The following FYTTD1 variants were observed in gnomAD, a reference collection of about 807,000 sequenced individuals.
FYTTD1 encodes the protein UAP56-interacting factor.
In FYTTD1, 22 loss-of-function variants were observed where a neutral mutation model predicts 40.9. The observed-to-expected ratio is 0.54, with a 90% CI of 0.38 to 0.77. The LOEUF (loss-of-function observed/expected upper bound fraction) is 0.77. Ranked by LOEUF, FYTTD1 falls within the 30% of genes least tolerant of loss-of-function variation. The pLI, the probability that FYTTD1 is intolerant of heterozygous loss-of-function variation, is 0.00. For missense variants in FYTTD1, 351 were observed against 392.2 expected, an observed-to-expected ratio of 0.90 and a Z score of 0.89; for synonymous variants, 140 against 137.9, an observed-to-expected ratio of 1.01 and a Z score of -0.10.
upstream of FYTTD1, chr3:197,749,816 G>C: frequency 2.1e-6 from 1 of 481,272 alleles, no homozygotes; most frequent in Non-Finnish European, 3.6e-6. Context: ...GCGAGTGTCG[G>C]TGGCCCCGCC....
intron 3 of FYTTD1, among the ~76,000 whole-genome samples, chr3:197,769,484 A>G (rs964878775): frequency 2.6e-5 from 4 of 152,376 alleles, no homozygotes; most frequent in South Asian, 2.1e-4. Context: ...GATAAGGTGC[A>G]TATTTGTCAA....
intron 1 of FYTTD1, among the ~76,000 whole-genome samples, chr3:197,751,810 C>T (rs777939441): frequency 6.6e-6 from 1 of 152,126 alleles, no homozygotes; most frequent in African/African-American, 2.4e-5. Context: ...CGATGGAGAG[C>T]ACGGAACCCA....
At chr3:197,776,832 G>A in intron 6 of FYTTD1, 95 bp from the exon 7 acceptor site, 1 of 790,998 alleles carries the variant, frequency 1.3e-6, no homozygotes, top group Non-Finnish European at 2.0e-6. Flanking sequence ...CTAAGAAAAA[G>A]TAATGGCTAC....
Position 197,784,041 on chromosome 3 carries a change from T to G in FYTTD1, c.*2132T>G, listed in dbSNP as rs1215915176. On this transcript the variant is annotated 3_prime_UTR_variant, in exon 9 of 9. Coordinates refer to ENST00000241502, the MANE Select transcript of FYTTD1 (RefSeq NM_032288.7). ...ACAATATGCTTTGTTGAAGGAAAAT[T>G]TTCTTTATTGGAATGTGGTTGTAAT... 6.6e-6 allele frequency: 1 copy of G among 152,604 alleles called. No homozygotes were observed. Among genetic ancestry groups the G allele is most frequent in the African/African-American group, 2.4e-5 (1 of 41,430 alleles). 9.5% of individuals were successfully genotyped at this position (152,604 alleles called of 1,614,324 possible).
At position 197,782,636 on chromosome 3, in the gene FYTTD1, G is replaced by GA. The variant is rs1730057664; in HGVS notation, c.*727_*728insA. On this transcript the variant is annotated 3_prime_UTR_variant, in exon 9 of 9. Transcript: ENST00000241502. Reference sequence around the variant, plus strand: ...CCAGTTTTAAAAAATGACAGTTTGTGTTTAATAAATGAAGGCATGAGAGGA... The same window carrying GA: ...CCAGTTTTAAAAAATGACAGTTTGTGATTTAATAAATGAAGGCATGAGAGGA... 1 of 152,188 alleles carries GA rather than the reference G, an allele frequency of 6.6e-6. No individual in the cohort carries two copies. Among genetic ancestry groups the GA allele is most frequent in the African/African-American group, 2.4e-5 (1 of 41,448 alleles). 9.4% of individuals were successfully genotyped at this position (152,188 alleles called of 1,614,324 possible).
rs545479827 is a variant in FYTTD1 at position 197,780,630 on chromosome 3, C to T, written c.859-1181C>T. ...TGATCTTGGCTGACTGCAACCTCTG[C>T]CTCCTGGGTTCAAGCAATTCTCCTG... On this transcript the variant is annotated intron_variant, in intron 8 of 8. Transcript: ENST00000241502. 9.2e-5 allele frequency among the ~76,000 whole-genome samples: 14 copies of T among 152,008 alleles called. No individual in the cohort carries two copies. The South Asian group carries it at 2.7e-3, about 29-fold the overall frequency.
chr3:197,756,716 AAT>A (rs1221660897), intron 2 of FYTTD1, among the ~76,000 whole-genome samples, 159 bp downstream of exon 2: 2 of 152,202 alleles, frequency 1.3e-5, no homozygotes, highest in African/African-American at 4.8e-5. Context: ...ACCTGGTAAA[AAT>A]TTCAGTAGCC....
chr3:197,757,351 T>C (rs536801603), intron 2 of FYTTD1, among the ~76,000 whole-genome samples: 1 of 152,370 alleles, frequency 6.6e-6, no homozygotes, highest in Non-Finnish European at 1.5e-5. Flanking sequence ...TAAATCTTTT[T>C]CAGATATGTA....
At chr3:197,781,676 A>G in intron 8 of FYTTD1, 135 bp from the exon 9 acceptor site, 1 of 608,570 alleles carries the variant, frequency 1.6e-6, no homozygotes, top group Non-Finnish European at 2.9e-6. Context: ...CATACATGTA[A>G]ATATTTAGGA....
chr3:197,780,107 CTGGGGATATAGG>C (rs1729989412), intron 8 of FYTTD1, among the ~76,000 whole-genome samples: 1 of 144,660 alleles, frequency 6.9e-6, no homozygotes, highest in African/African-American at 2.7e-5. Flanking sequence ...ACCACCACAC[CTGGGGATATAGG>C]CACACACATC....
chr3:197,752,600 A>G (rs555795600), intron 1 of FYTTD1, among the ~76,000 whole-genome samples: 5 of 152,212 alleles, frequency 3.3e-5, no homozygotes, highest in African/African-American at 1.2e-4. Flanking sequence ...CATACACTAC[A>G]TATATGTGTA....
intron 2 of FYTTD1, chr3:197,763,656 T>G: frequency 7.1e-6 from 2 of 280,832 alleles, no homozygotes; most frequent in Non-Finnish European, 1.4e-5. Flanking sequence ...GACTAAAAAG[T>G]TTGAGAATGC....
At chr3:197,761,732 C>T (rs1384138740) in intron 2 of FYTTD1, among the ~76,000 whole-genome samples, 1 of 152,140 alleles carries the variant, frequency 6.6e-6, no homozygotes, top group African/African-American at 2.4e-5. Context: ...AGTACTAAGG[C>T]GTTAATTGTA....
chr3:197,778,542 AT>A, intron 8 of FYTTD1, 78 bp downstream of exon 8: 1 of 1,018,472 alleles, frequency 9.8e-7, no homozygotes. Context: ...ATAATAGTGA[AT>A]TATAAACAAG....
chr3:197,766,073 G>A (rs1729534997), intron 2 of FYTTD1, among the ~76,000 whole-genome samples: 1 of 151,358 alleles, frequency 6.6e-6, no homozygotes, highest in Non-Finnish European at 1.5e-5. Flanking sequence ...TGAGGCAGGA[G>A]AATTCTTTGA....
In FYTTD1 at chr3:197,785,739, C is replaced by T. The variant is rs961919918; in HGVS notation, c.*3830C>T. The T allele has an allele frequency of 6.6e-6, 1 of 152,062 alleles. No individual in the cohort carries two copies. Among genetic ancestry groups the T allele is most frequent in the Admixed American group, 6.6e-5 (1 of 15,264 alleles). 9.4% of individuals were successfully genotyped at this position (152,062 alleles called of 1,614,324 possible). On this transcript the variant is annotated 3_prime_UTR_variant, in exon 9 of 9. Transcript: ENST00000241502. ...TAAGGAGATAAGAGAAAAAATAGCT[C>T]ACTTGGCAGCACAGAAAATGAATAC...
chr3:197,770,021 G>A, intron 3 of FYTTD1, 111 bp from the exon 4 acceptor site: 1 of 659,892 alleles, frequency 1.5e-6, no homozygotes, highest in Non-Finnish European at 2.7e-6. Context: ...TCCCTTATCT[G>A]CACATTCAAG....
At chr3:197,762,451 T>C (rs1193028734) in intron 2 of FYTTD1, among the ~76,000 whole-genome samples, 2 of 151,702 alleles carry the variant, frequency 1.3e-5, no homozygotes, top group African/African-American at 4.8e-5. Flanking sequence ...TAGCCGGGCA[T>C]GGTGGCGGGC....
intron 3 of FYTTD1, among the ~76,000 whole-genome samples, chr3:197,768,835 C>T (rs1729626456): frequency 6.6e-6 from 1 of 152,148 alleles, no homozygotes; most frequent in South Asian, 2.1e-4. Context: ...CTCTGTTACC[C>T]AGGCTGGAGT....
Sources: allele counts gnomAD v4.1 joint callset (sites outside exome capture counted in the v4.1 genomes callset), GRCh38; gene constraint gnomAD v4.1.1; transcripts MANE v1.5; gene names NCBI Gene and HGNC (gene_info 2026-07-23, HGNC 2026-07-21).